Variants in TANK observed in about 807,000 individuals in gnomAD.
TANK encodes the protein TRAF family member-associated NF-kappa-B activator.
Under a neutral mutation model 43.6 loss-of-function variants are expected in TANK, and 15 were observed. That is an observed-to-expected ratio of 0.34 (90% CI 0.23 to 0.53). TANK has a LOEUF of 0.53. Among genes scored for constraint, TANK ranks in the 20% least tolerant of loss-of-function variants. The pLI is 0.94. For synonymous variants in TANK, 162 were observed against 178.2 expected, an observed-to-expected ratio of 0.91 and a Z score of 0.73; for missense variants, 417 against 498.6, an observed-to-expected ratio of 0.84 and a Z score of 1.56.
intron 4 of TANK, among the ~76,000 whole-genome samples, chr2:161,217,585 TTG>T (rs375688309): frequency 0.099 from 13,486 of 136,416 alleles, 658 homozygotes; most frequent in Non-Finnish European, 0.12. Context: ...GGTAGTTGGT[TTG>T]TGTGTGTGTG....
At chr2:161,217,723 T>C (rs1687181600) in intron 4 of TANK, among the ~76,000 whole-genome samples, 2 of 151,992 alleles carry the variant, frequency 1.3e-5, no homozygotes, top group Admixed American at 1.3e-4. Flanking sequence ...GTCTAGTTTT[T>C]TGGTTTTTTT....
intron 2 of TANK, among the ~76,000 whole-genome samples, chr2:161,186,039 A>T (rs1046060266): frequency 6.6e-6 from 1 of 152,166 alleles, no homozygotes; most frequent in Non-Finnish European, 1.5e-5. Context: ...ACATGGTGGT[A>T]TGTGCCTGTA....
At chr2:161,233,833 TAC>T (rs965880865) in intron 7 of TANK, among the ~76,000 whole-genome samples, 12 of 152,230 alleles carry the variant, frequency 7.9e-5, no homozygotes, top group Admixed American at 3.9e-4. Context: ...AATTTCCCAT[TAC>T]AGTGATTTGT....
rs114953145 is a variant in TANK, at chr2:161,169,547, A to G, written c.-50+9061A>G. 8.5e-3 allele frequency among the ~76,000 whole-genome samples: 1,289 copies of G among 152,318 alleles called. 19 individuals carry two copies. The highest frequency in any genetic ancestry group is 0.03 in the African/African-American group (1,239 of 41,568). On this transcript the variant is annotated intron_variant, in intron 1 of 7. Transcript: ENST00000392749. ...AAGAGACAAAAACTGAAAAATCAGT[A>G]GTGGCAGTATTACATGTTATTTAGG...
At position 161,143,637 on chromosome 2, in the gene TANK, A is replaced by T. The variant is rs186170582; in HGVS notation, c.-50+6574A>T. The stretch of plus-strand genomic sequence containing the variant: ...TATGTTTATTGATTTGTGTATGTTG[A>T]ACCAACCTTGCGTCCCAGGGATGAA... On this transcript the variant is annotated intron_variant, in intron 1 of 7. Transcript: ENST00000259075. Among the ~76,000 whole-genome samples the T allele has an allele frequency of 1.0e-3, 157 of 151,982 alleles. 2 individuals are homozygous for T. The highest frequency in any genetic ancestry group is 3.6e-3 in the African/African-American group (151 of 41,464).
Position 161,172,355 on chromosome 2 carries a change from C to CTTTTCTT in TANK, c.-49-7255_-49-7254insCTTTTTT, listed in dbSNP as rs1553485179. Reference sequence around the variant, plus strand: ...TTTTCAAAAATGTAGTTTTTTTCGGCTTTTTTTTTTTTTTTTTTTGGGGGT... The same window carrying CTTTTCTT: ...TTTTCAAAAATGTAGTTTTTTTCGGCTTTTCTTTTTTTTTTTTTTTTTTTTTGGGGGT... On this transcript the variant is annotated intron_variant, in intron 1 of 7. Coordinates refer to ENST00000392749, the MANE Select transcript of TANK (RefSeq NM_001199135.3). 8.8e-3 allele frequency among the ~76,000 whole-genome samples: 787 copies of CTTTTCTT among 89,006 alleles called. 10 individuals carry two copies. Among genetic ancestry groups the CTTTTCTT allele is most frequent in the African/African-American group, 0.034 (679 of 20,132 alleles). 58.4% of individuals were successfully genotyped at this position (89,006 alleles called of 152,430 possible).
At position 161,223,586 on chromosome 2, in the gene TANK, G is replaced by A. The variant is rs183093090; in HGVS notation, c.328-329G>A. On this transcript the variant is annotated intron_variant, in intron 4 of 7. Coordinates refer to ENST00000392749, the MANE Select transcript of TANK (RefSeq NM_001199135.3). ...TTTTTTTCCCCCTAAGTTTCTGAGC[G>A]TATGAGGTGCTTGGTGAACAGAGCA... The A allele has an allele frequency of 5.3e-5, 9 of 171,322 alleles. No individual in the cohort carries two copies. The South Asian group carries it at 9.5e-4, about 18-fold the overall frequency. 10.6% of individuals were successfully genotyped at this position (171,322 alleles called of 1,614,324 possible). A position where few individuals can be genotyped will look rare whatever the true frequency, so the allele number is the denominator to read the frequency against.
At chr2:161,210,145 A>G (rs1256473256) in intron 4 of TANK, among the ~76,000 whole-genome samples, 1 of 152,186 alleles carries the variant, frequency 6.6e-6, no homozygotes, top group African/African-American at 2.4e-5. Context: ...AGGAACAAGA[A>G]AGATTTTTTA....
intron 1 of TANK, chr2:161,163,651 T>A (rs1558966923): frequency 2.0e-5 from 3 of 152,336 alleles, no homozygotes; most frequent in Middle Eastern, 3.4e-3. Flanking sequence ...GGAAATTTCT[T>A]AATTTAAAGG....
At chr2:161,232,218 A>G (rs1687945742) in intron 7 of TANK, among the ~76,000 whole-genome samples, 1 of 152,184 alleles carries the variant, frequency 6.6e-6, no homozygotes, top group South Asian at 2.1e-4. Flanking sequence ...TCCCTTTTAG[A>G]TTCAAATTCT....
intron 2 of TANK, chr2:161,200,648 C>T: frequency 1.5e-6 from 1 of 667,936 alleles, no homozygotes; most frequent in Non-Finnish European, 1.8e-6. Flanking sequence ...TCTTTTGCAT[C>T]CGTTTTCTCA....
At chr2:161,234,959 C>T (rs1313221673) in intron 7 of TANK, among the ~76,000 whole-genome samples, 2 of 152,104 alleles carry the variant, frequency 1.3e-5, no homozygotes, top group Non-Finnish European at 2.9e-5. Context: ...AATAAAGCCC[C>T]TATAATTTAA....
chr2:161,157,143 T>C (rs1684249161), upstream of TANK, among the ~76,000 whole-genome samples: 1 of 152,222 alleles, frequency 6.6e-6, no homozygotes, highest in Non-Finnish European at 1.5e-5. Flanking sequence ...GTGAGGCAGG[T>C]AGCTTCCTTA....
At chr2:161,167,084 G>A (rs1431906946) in intron 1 of TANK, among the ~76,000 whole-genome samples, 1 of 152,162 alleles carries the variant, frequency 6.6e-6, no homozygotes, top group Non-Finnish European at 1.5e-5. Flanking sequence ...AACAGAATAG[G>A]CTCAGCAGTT....
In TANK at chr2:161,235,354, C is replaced by A. The variant is rs749360703; in HGVS notation, c.1114C>A (p.Pro372Thr). 6.3e-7 allele frequency: 1 copy of A among 1,594,912 alleles called. No homozygotes were observed. ...TTGTTTCCTGCAGCCCATTTGGAAG[C>A]CCTTTCCTAATCAAGACAGTGACTC... ...IRGPQQPIWK[P>T]FPNQDSDSVV... Residue 372 changes from proline (P) to threonine (T), a missense_variant, in exon 8 of 8, where the codon CCC (proline) becomes ACC (threonine). Physicochemically the swap from Pro to Thr is conservative, Grantham distance 38 (BLOSUM62 -1). Transcript: ENST00000392749.
chr2:161,209,156 A>C (rs1686773914), intron 4 of TANK, among the ~76,000 whole-genome samples: 1 of 152,232 alleles, frequency 6.6e-6, no homozygotes, highest in Non-Finnish European at 1.5e-5. Context: ...CTGAAGAACA[A>C]TTTCAAAAAT....
chr2:161,186,972 T>C (rs1211394600), intron 2 of TANK, among the ~76,000 whole-genome samples: 2 of 152,206 alleles, frequency 1.3e-5, no homozygotes, highest in Non-Finnish European at 2.9e-5. Context: ...TTTGATATCA[T>C]CTCACCTGAG....
chr2:161,186,796 CTG>C (rs1326382892), intron 2 of TANK, among the ~76,000 whole-genome samples: 3 of 152,020 alleles, frequency 2.0e-5, no homozygotes, highest in Non-Finnish European at 4.4e-5. Flanking sequence ...AATAAGCAGA[CTG>C]TATAAAGAAA....
chr2:161,148,442 G>A (rs532389615), intron 1 of TANK, among the ~76,000 whole-genome samples: 43 of 152,260 alleles, frequency 2.8e-4, no homozygotes, highest in African/African-American at 9.1e-4. Context: ...TATCAGATAT[G>A]TGATTTGCAA....
Sources: gnomAD v4.1 joint callset for allele counts (sites outside exome capture counted in the v4.1 genomes callset) on GRCh38, gnomAD v4.1.1 for gene constraint, MANE v1.5 for transcripts, NCBI Gene and HGNC (gene_info 2026-07-23, HGNC 2026-07-21) for gene names.